The following AGTPBP1 variants were observed in gnomAD, a reference collection of about 807,000 sequenced individuals.
The protein encoded by AGTPBP1 is ATP/GTP binding carboxypeptidase 1, also known as cytosolic carboxypeptidase 1.
AGTPBP1 carries 70 observed loss-of-function variants against 143.9 expected under a neutral mutation model. That is an observed-to-expected ratio of 0.49 (90% confidence interval 0.40 to 0.59). The LOEUF (loss-of-function observed/expected upper bound fraction) is 0.59, where lower values mean the gene tolerates loss of function less well. AGTPBP1 is among the 20% of genes least tolerant of loss of function. The pLI, the probability that AGTPBP1 is intolerant of heterozygous loss-of-function variation, is 0.00. For synonymous variants in AGTPBP1, 463 were observed against 500.2 expected (o/e 0.93, Z 0.99); for missense variants, 1,229 against 1,464.5 (o/e 0.84, Z 2.62).
the AGTPBP1 span, among the ~76,000 whole-genome samples, chr9:85,777,983 G>A: frequency 2.6e-5 from 4 of 152,248 alleles, no homozygotes; most frequent in African/African-American, 4.8e-5. Flanking sequence ...GTGGAGAACC[G>A]TCTGTGAACC....
chr9:85,755,011 T>G, the AGTPBP1 span, among the ~76,000 whole-genome samples: 46 of 152,320 alleles, frequency 3.0e-4, no homozygotes, highest in African/African-American at 1.1e-3. Flanking sequence ...GCTCTTTCTC[T>G]TCCTAATAAT....
intron 1 of AGTPBP1, among the ~76,000 whole-genome samples, chr9:85,739,918 G>T (rs985035173): frequency 6.6e-6 from 1 of 151,220 alleles, no homozygotes; most frequent in Non-Finnish European, 1.5e-5. Context: ...CGGGAGAATC[G>T]CTTGAACCCG....
intron 25 of AGTPBP1, among the ~76,000 whole-genome samples, chr9:85,572,637 T>C (rs1225850349): frequency 1.3e-5 from 2 of 152,188 alleles, no homozygotes; most frequent in Non-Finnish European, 2.9e-5. Flanking sequence ...ATAACCATAG[T>C]TGTGAAGTAT....
chr9:85,566,449 G>C (rs924716301), intron 25 of AGTPBP1, among the ~76,000 whole-genome samples: 5 of 147,444 alleles, frequency 3.4e-5, no homozygotes, highest in African/African-American at 1.0e-4. Context: ...AGGACTGCTT[G>C]AGCCCAGGAG....
chr9:85,573,511 C>T (rs932479726), intron 25 of AGTPBP1, among the ~76,000 whole-genome samples: 7 of 152,164 alleles, frequency 4.6e-5, no homozygotes, highest in Non-Finnish European at 5.9e-5. Flanking sequence ...ATTGCAGCCT[C>T]TGCCTGGCCG....
intron 25 of AGTPBP1, among the ~76,000 whole-genome samples, chr9:85,548,325 A>G (rs186293038): frequency 4.3e-4 from 66 of 152,318 alleles, no homozygotes; most frequent in Non-Finnish European, 7.5e-4. Context: ...AATAGATTAT[A>G]TGGCTCTAAT....
At chr9:85,731,838 GGTAAGA>G (rs1838901850) in intron 1 of AGTPBP1, among the ~76,000 whole-genome samples, 1 of 152,046 alleles carries the variant, frequency 6.6e-6, no homozygotes, top group Non-Finnish European at 1.5e-5. Context: ...AAAAAGTATG[GGTAAGA>G]GTAAATCTAC....
chr9:85,719,107 C>T (rs984927497), intron 1 of AGTPBP1, among the ~76,000 whole-genome samples: 2 of 152,128 alleles, frequency 1.3e-5, no homozygotes, highest in African/African-American at 4.8e-5. Flanking sequence ...TAGTGTGATG[C>T]CTCCAGCTTT....
intron 8 of AGTPBP1, among the ~76,000 whole-genome samples, chr9:85,664,124 T>C (rs4877947): frequency 0.26 from 40,047 of 151,966 alleles, 6,000 homozygotes; most frequent in East Asian, 0.54. Flanking sequence ...TGTAACCAAA[T>C]CTACAGTAAT....
In AGTPBP1 at chr9:85,553,093, A is replaced by C. The variant is rs368126977; in HGVS notation, c.3504-5807T>G. ...ATATAGCATCTCCTAAAAATATCAC[A>C]AAGTAAACAAAGTTATCCATAGAAA... On this transcript the variant is annotated intron_variant, in intron 25 of 25. Transcript: ENST00000357081. Among the ~76,000 whole-genome samples the C allele has an allele frequency of 3.3e-5, 5 of 152,376 alleles. No individual in the cohort carries two copies. The East Asian group carries it at 5.8e-4, about 18-fold the overall frequency.
chr9:85,689,674 C>T (rs1047673217), intron 3 of AGTPBP1, among the ~76,000 whole-genome samples: 4 of 151,714 alleles, frequency 2.6e-5, no homozygotes, highest in Non-Finnish European at 4.4e-5. Flanking sequence ...ACCGGCAGAT[C>T]GCCTGAGGTC....
intron 14 of AGTPBP1, among the ~76,000 whole-genome samples, chr9:85,626,609 C>T (rs937122669): frequency 1.3e-5 from 2 of 152,128 alleles, no homozygotes; most frequent in African/African-American, 4.8e-5. Flanking sequence ...ATACCTTTAA[C>T]CTGAACTATA....
chr9:85,712,430 AT>A (rs1837438574), intron 2 of AGTPBP1, 71 bp downstream of exon 2: 4 of 728,646 alleles, frequency 5.5e-6, no homozygotes, highest in Non-Finnish European at 8.7e-6. Flanking sequence ...TTTGTCAAGT[AT>A]TGAGTTTCAA....
At chr9:85,593,285 G>A (rs575363979) in intron 18 of AGTPBP1, among the ~76,000 whole-genome samples, 2 of 152,074 alleles carry the variant, frequency 1.3e-5, no homozygotes, top group East Asian at 3.9e-4. Context: ...AACACCACAG[G>A]GATGCAATCC....
At chr9:85,731,053 G>A (rs1838845823) in intron 1 of AGTPBP1, among the ~76,000 whole-genome samples, 1 of 152,182 alleles carries the variant, frequency 6.6e-6, no homozygotes, top group Non-Finnish European at 1.5e-5. Context: ...TTTGGGCCAT[G>A]GAGTAGGAGA....
rs577170319 is a variant in AGTPBP1, at chr9:85,579,103, A to C, written c.3166-7T>G. ...TCAGTATCTTAGGCAATGTCTGTTA[A>C]AAACAAGAATGATGATGATAAAATA... On this transcript the variant is annotated splice_region_variant and splice_polypyrimidine_tract_variant and intron_variant, in intron 23 of 25. Coordinates refer to ENST00000357081, the MANE Select transcript of AGTPBP1 (RefSeq NM_001330701.2). 5.7e-6 allele frequency: 9 copies of C among 1,582,358 alleles called. No individual in the cohort carries two copies. In the African/African-American group the frequency reaches 1.1e-4, roughly 19 times the overall value.
chr9:85,707,600 T>C (rs1214134776), intron 2 of AGTPBP1, among the ~76,000 whole-genome samples: 3 of 152,224 alleles, frequency 2.0e-5, no homozygotes, highest in Non-Finnish European at 4.4e-5. Context: ...AACAACTTTA[T>C]GCCTATAAAT....
At chr9:85,681,409 A>G in intron 3 of AGTPBP1, 74 bp from the exon 4 acceptor site, 1 of 1,270,000 alleles carries the variant, frequency 7.9e-7, no homozygotes, top group Admixed American at 2.1e-5. Context: ...GCATATAGCT[A>G]ATAAAGATTC....
At chr9:85,649,635 C>A (rs894374885) in intron 11 of AGTPBP1, among the ~76,000 whole-genome samples, 3 of 152,066 alleles carry the variant, frequency 2.0e-5, no homozygotes, top group Non-Finnish European at 4.4e-5. Context: ...AGAGAGGCAT[C>A]CTCTAACATT....
Sources: allele counts gnomAD v4.1 joint callset (sites outside exome capture counted in the v4.1 genomes callset), GRCh38; gene constraint gnomAD v4.1.1; transcripts MANE v1.5; gene names NCBI Gene and HGNC (gene_info 2026-07-23, HGNC 2026-07-21).